SIN3B: variants seen among roughly 807,000 people sequenced by gnomAD.
The protein encoded by SIN3B is SIN3 transcription regulator family member B.
SIN3B carries 19 observed loss-of-function variants against 120.2 expected under a neutral mutation model. The ratio of observed to expected loss-of-function variants is 0.16; its 90% CI spans 0.11 to 0.23. The LOEUF (loss-of-function observed/expected upper bound fraction) is 0.23. Ranked by LOEUF, SIN3B falls within the 10% of genes least tolerant of loss-of-function variation. The pLI is 1.00. For missense variants in SIN3B, 1,073 were observed against 1,573.0 expected (o/e 0.68, Z 5.38); for synonymous variants, 654 against 653.2 (o/e 1.00, Z -0.02).
intron 8 of SIN3B, among the ~76,000 whole-genome samples, chr19:16,858,605 T>G (rs983669470): frequency 1.3e-5 from 2 of 152,188 alleles, no homozygotes; most frequent in Non-Finnish European, 2.9e-5. Context: ...CTCATGCCTA[T>G]AATCCCAGTA....
At position 16,847,092 on chromosome 19, in the gene SIN3B, G is replaced by T; in HGVS notation, c.705G>T (p.Leu235=). 3.7e-6 allele frequency: 6 copies of T among 1,613,060 alleles called. No homozygotes were observed. The highest frequency in any genetic ancestry group is 5.1e-6 in the Non-Finnish European group (6 of 1,179,098). The change falls in exon 5 of 19, where the codon CTG becomes CTT. Residue 235 remains leucine, a synonymous_variant. Transcript: ENST00000248054. ...TGCTCTCAGAGTTTGGACAGTTCCT[G>T]CCCGAAGCCAAGCGGTCTCTGGTGA... is the stretch of plus-strand genomic sequence containing the variant. ...EDLLSEFGQF[L]PEAKRSLFTG...
intron 14 of SIN3B, among the ~76,000 whole-genome samples, chr19:16,873,496 C>T (rs184018216): frequency 1.0e-3 from 155 of 150,758 alleles, no homozygotes; most frequent in Non-Finnish European, 1.4e-3. Context: ...ACGCAGGGGA[C>T]GCCAGGGGGC....
At chr19:16,841,732 G>A in intron 3 of SIN3B, 36 bp from the exon 4 acceptor site, 1 of 1,592,192 alleles carries the variant, frequency 6.3e-7, no homozygotes, top group Non-Finnish European at 8.6e-7. Context: ...TGTTTCCAGT[G>A]TCGGGCCTGG....
rs571353485 is a variant in SIN3B at position 16,875,631 on chromosome 19, T to C, written c.2593-424T>C. Reference sequence around the variant, plus strand: ...GTTTTGGTCTGGTTTGGGTCTGGTCTGGTCTGGTCTGTTTGGTCTGGTCTG... The same window carrying C: ...GTTTTGGTCTGGTTTGGGTCTGGTCCGGTCTGGTCTGTTTGGTCTGGTCTG... On this transcript the variant is annotated intron_variant, in intron 14 of 18. Coordinates refer to ENST00000248054, the MANE Select transcript of SIN3B (RefSeq NM_001297595.2). Among the ~76,000 whole-genome samples the C allele has an allele frequency of 3.3e-3, 488 of 149,472 alleles. 1 individual carries two copies. The highest frequency in any genetic ancestry group is 0.028 in the Middle Eastern group (8 of 282).
Position 16,866,575 on chromosome 19 carries a change from C to T in SIN3B, c.1806+19C>T. 2 of 1,612,056 alleles carry T rather than the reference C, an allele frequency of 1.2e-6. No individual in the cohort carries two copies. Among genetic ancestry groups the T allele is most frequent in the East Asian group, 4.5e-5 (2 of 44,838 alleles). ...CGACGAGGTAAAGCCTTCCCTAGCCCTGCCGGCCGGTGGGGGTGGGGTCCT... is the reference window on the plus strand; with the variant it reads ...CGACGAGGTAAAGCCTTCCCTAGCCTTGCCGGCCGGTGGGGGTGGGGTCCT... On this transcript the variant is annotated intron_variant, in intron 12 of 18. Transcript: ENST00000248054.
At chr19:16,864,230 G>A (rs1971729507) in intron 10 of SIN3B, among the ~76,000 whole-genome samples, 2 of 151,594 alleles carry the variant, frequency 1.3e-5, no homozygotes, top group Admixed American at 6.6e-5. Context: ...AGAGGCCGAG[G>A]CTGCAGTGAG....
At chr19:16,858,762 C>T (rs1467040197) in intron 8 of SIN3B, among the ~76,000 whole-genome samples, 1 of 152,016 alleles carries the variant, frequency 6.6e-6, no homozygotes, top group Non-Finnish European at 1.5e-5. Flanking sequence ...CCAGCGTAAC[C>T]AATATGGTGA....
At chr19:16,858,385 C>G (rs1261956951) in intron 8 of SIN3B, among the ~76,000 whole-genome samples, 2 of 152,128 alleles carry the variant, frequency 1.3e-5, no homozygotes, top group East Asian at 3.9e-4. Context: ...AGAAGTGGCC[C>G]AGGATAGCTG....
At chr19:16,831,417 T>C (rs1971276879) in intron 2 of SIN3B, 77 bp from the exon 3 acceptor site, 4 of 1,443,422 alleles carry the variant, frequency 2.8e-6, no homozygotes, top group Non-Finnish European at 3.8e-6. Context: ...TGTGGCAGTA[T>C]CAAGGGAGTG....
chr19:16,865,880 A>G (rs1403724909), intron 11 of SIN3B, among the ~76,000 whole-genome samples: 1 of 152,222 alleles, frequency 6.6e-6, no homozygotes, highest in Non-Finnish European at 1.5e-5. Flanking sequence ...CACCTTGCAC[A>G]TAATACATCT....
intron 3 of SIN3B, among the ~76,000 whole-genome samples, chr19:16,833,356 A>C (rs1260403143): frequency 6.6e-6 from 1 of 152,050 alleles, no homozygotes; most frequent in Non-Finnish European, 1.5e-5. Context: ...CTTCTCGGCC[A>C]GGCGCAGTGG....
intron 3 of SIN3B, among the ~76,000 whole-genome samples, chr19:16,838,057 C>T (rs1971370460): frequency 6.6e-6 from 1 of 151,904 alleles, no homozygotes; most frequent in Non-Finnish European, 1.5e-5. Flanking sequence ...AGAGGAGGTG[C>T]CGGAAGAAAA....
At position 16,879,165 on chromosome 19, in the gene SIN3B, C is replaced by A; in HGVS notation, c.*438C>A. On this transcript the variant is annotated 3_prime_UTR_variant, in exon 19 of 19. Coordinates refer to ENST00000248054, the MANE Select transcript of SIN3B (RefSeq NM_001297595.2). ...GACCCTGACAAGGAAGGAGTTGAGC[C>A]CTGGGTAGGCTTGCTTGAAAAGTGA... 5.3e-6 allele frequency: 1 copy of A among 189,306 alleles called. No homozygotes were observed. Among genetic ancestry groups the A allele is most frequent in the South Asian group, 1.4e-4 (1 of 7,108 alleles). The allele number at this position is 189,306 out of a possible 1,614,324, so 11.7% of individuals were successfully genotyped here. A position where few individuals can be genotyped will look rare whatever the true frequency, so the allele number is the denominator to read the frequency against.
intron 14 of SIN3B, among the ~76,000 whole-genome samples, chr19:16,873,297 A>C (rs1242118994): frequency 4.6e-5 from 7 of 151,912 alleles, no homozygotes; most frequent in Non-Finnish European, 1.0e-4. Context: ...GGCCATGAGG[A>C]CTTAGTGAAA....
chr19:16,849,703 G>A (rs1486768953), intron 5 of SIN3B, among the ~76,000 whole-genome samples: 2 of 152,162 alleles, frequency 1.3e-5, no homozygotes, highest in Admixed American at 6.5e-5. Flanking sequence ...GACGCATGGC[G>A]GGTTTCCCCT....
intron 13 of SIN3B, 113 bp from the exon 14 acceptor site, chr19:16,871,116 A>G: frequency 1.5e-6 from 2 of 1,315,134 alleles, no homozygotes; most frequent in South Asian, 1.3e-5. Context: ...GTGGCAGGTG[A>G]GGGCTGTTGG....
chr19:16,862,607 A>G lies in SIN3B; in HGVS notation c.1266+48A>G, dbSNP rs1230841746. On this transcript the variant is annotated intron_variant, in intron 9 of 18. Transcript: ENST00000248054. The surrounding 1 kb of genome is among the most constrained non-coding windows in gnomAD (Gnocchi z 4.7). ...TGTTCGTTGACATGGTGCATCCCCCACCCCTCCCCAGCAAACACCCGATAC... is the reference window on the plus strand; with the variant it reads ...TGTTCGTTGACATGGTGCATCCCCCGCCCCTCCCCAGCAAACACCCGATAC... 16 of 1,508,260 alleles carry G rather than the reference A, an allele frequency of 1.1e-5. No individual in the cohort carries two copies. The highest frequency in any genetic ancestry group is 1.5e-5 in the Non-Finnish European group (16 of 1,097,722). 93.4% of individuals were successfully genotyped at this position (1,508,260 alleles called of 1,614,324 possible).
At chr19:16,864,998 A>T (rs1296313640) in intron 10 of SIN3B, 1 of 154,824 alleles carries the variant, frequency 6.5e-6, no homozygotes, top group Non-Finnish European at 1.4e-5. Flanking sequence ...ATTCCTGGCT[A>T]ATTTTTTTAT....
Position 16,869,521 on chromosome 19 carries a change from T to A in SIN3B, c.1868T>A (p.Val623Glu). 1.2e-6 allele frequency: 2 copies of A among 1,613,870 alleles called. No individual in the cohort carries two copies. Among genetic ancestry groups the A allele is most frequent in the Non-Finnish European group, 1.7e-6 (2 of 1,179,974 alleles). Residue 623 changes from valine to glutamate, a missense_variant, in exon 13 of 19, where the codon GTG (valine) becomes GAG (glutamate). This residue lies in a region of SIN3B where 169 missense variants were observed against 207.3 expected (regional missense o/e 0.82). Coordinates refer to ENST00000248054, the MANE Select transcript of SIN3B (RefSeq NM_001297595.2). ...TCTAGCGAGCCGCACCTCATCTTTG[T>A]GTACGAGGACCGGCAGATCCTGGAG... ...APSSEPHLIF[V>E]YEDRQILEDA...
Sources: allele counts gnomAD v4.1 joint callset (sites outside exome capture counted in the v4.1 genomes callset), GRCh38; gene constraint gnomAD v4.1.1; regional missense constraint gnomAD v4.1.1; non-coding constraint Gnocchi (gnomAD v3.1); transcripts MANE v1.5; gene names NCBI Gene and HGNC (gene_info 2026-07-23, HGNC 2026-07-21).